Variants in AGAP4 observed in about 807,000 individuals in gnomAD.
AGAP4 encodes the protein ArfGAP with GTPase domain, ankyrin repeat and PH domain 4.
Under a neutral mutation model 60.7 loss-of-function variants are expected in AGAP4, and 13 were observed. The ratio of observed to expected loss-of-function variants is 0.21; its 90% confidence interval spans 0.14 to 0.34. The LOEUF is 0.34. Among genes scored for constraint, AGAP4 ranks in the 10% least tolerant of loss-of-function variants. The pLI is 1.00. For synonymous variants in AGAP4, 70 were observed against 339.0 expected (o/e 0.21, Z 8.72); for missense variants, 169 against 884.0 (o/e 0.19, Z 10.26).
chr10:45,846,576 G>GA (rs2059003177), intron 2 of AGAP4, 111 bp downstream of exon 2: 4 of 578,762 alleles, frequency 6.9e-6, no homozygotes, highest in Non-Finnish European at 1.2e-5. Context: ...GATGGGTACT[G>GA]AAAAGTTGGG....
chr10:45,850,237 A>AT (rs1245325744), upstream of AGAP4, among the ~76,000 whole-genome samples: 1 of 148,014 alleles, frequency 6.8e-6, no homozygotes, highest in Non-Finnish European at 1.5e-5. Flanking sequence ...ACAGAACAAC[A>AT]TTTTTTTGAT....
rs1336418832 is a variant in AGAP4, at chr10:45,853,679, G to A, written n.197C>T. On this transcript the variant is annotated non_coding_transcript_exon_variant, in exon 1 of 10. Coordinates refer to the AGAP4 transcript ENST00000430779. ...CCTCCAGAGGAGTCCAGTGGGTCCAGAAGCCCTTTGGATGTTGGTCAGAAG... is the reference window on the plus strand; with the variant it reads ...CCTCCAGAGGAGTCCAGTGGGTCCAAAAGCCCTTTGGATGTTGGTCAGAAG... The A allele has an allele frequency of 1.2e-3, 1,573 of 1,287,746 alleles. 26 individuals are homozygous for A. In the African/African-American group the frequency reaches 0.02, roughly 16 times the overall value. 79.8% of individuals were successfully genotyped at this position (1,287,746 alleles called of 1,614,324 possible).
rs1398296974 is a variant in AGAP4 at position 45,841,808 on chromosome 10, A to T, written c.362-121T>A. On this transcript the variant is annotated intron_variant, in intron 3 of 7. Coordinates refer to ENST00000616763, the MANE Select transcript of AGAP4 (RefSeq NM_001276343.3). ...GAGACAAAATTCCATTAAAAAAAAAATTTTCAATAACATATAATTTAAATT... is the reference window on the plus strand; with the variant it reads ...GAGACAAAATTCCATTAAAAAAAAATTTTTCAATAACATATAATTTAAATT... 2.8e-4 allele frequency: 329 copies of T among 1,178,158 alleles called. 2 individuals carry two copies. Among genetic ancestry groups the T allele is most frequent in the African/African-American group, 2.1e-3 (129 of 62,698 alleles). The allele number at this position is 1,178,158 out of a possible 1,614,324, so 73.0% of individuals were successfully genotyped here. A position where few individuals can be genotyped will look rare whatever the true frequency, so the allele number is the denominator to read the frequency against.
chr10:45,839,656 A>G (rs1554898436), intron 4 of AGAP4, among the ~76,000 whole-genome samples: 2 of 114,342 alleles, frequency 1.7e-5, no homozygotes, highest in Admixed American at 8.1e-5. Context: ...AGGTCTCCCA[A>G]ATGAAAAGCT....
At chr10:45,847,984 T>C (rs1326402557), upstream of AGAP4, 77 of 1,018,254 alleles carry the variant, frequency 7.6e-5, no homozygotes, top group African/African-American at 2.4e-4. Flanking sequence ...GTTCATTACT[T>C]GAAGCCATCT....
upstream of AGAP4, among the ~76,000 whole-genome samples, chr10:45,849,457 A>AGATGAT (rs1219114195): frequency 0.03 from 4,264 of 144,076 alleles, 44 homozygotes; most frequent in African/African-American, 0.052. Flanking sequence ...ATGACATTGT[A>AGATGAT]GATGATGATG....
intron 4 of AGAP4, among the ~76,000 whole-genome samples, chr10:45,837,639 A>G (rs1396064753): frequency 6.6e-6 from 1 of 151,876 alleles, no homozygotes. Flanking sequence ...TATTCAACAA[A>G]TGGTGCTGGG....
In AGAP4 at chr10:45,845,400, G is replaced by A. The variant is rs1168691926; in HGVS notation, c.293-1006C>T. Reference sequence around the variant, plus strand: ...AATGAAAACAATAAGCCTACTGGATGTAATATGTTTATGATGCAATGTTTT... The same window carrying A: ...AATGAAAACAATAAGCCTACTGGATATAATATGTTTATGATGCAATGTTTT... On this transcript the variant is annotated intron_variant, in intron 2 of 7. Transcript: ENST00000616763. Among the ~76,000 whole-genome samples the A allele has an allele frequency of 4.0e-5, 4 of 98,942 alleles. 2 individuals are homozygous for A. The South Asian group carries it at 2.0e-3, about 50-fold the overall frequency. 64.9% of individuals were successfully genotyped at this position (98,942 alleles called of 152,430 possible).
At chr10:45,846,830 T>G in intron 1 of AGAP4, 75 bp from the exon 2 acceptor site, 1 of 626,662 alleles carries the variant, frequency 1.6e-6, no homozygotes, top group Non-Finnish European at 2.8e-6. Context: ...ATTCAACTGC[T>G]GCTTATTCGA....
upstream of AGAP4, among the ~76,000 whole-genome samples, chr10:45,848,129 G>A (rs2059030374): frequency 6.8e-6 from 1 of 147,692 alleles, no homozygotes; most frequent in African/African-American, 2.5e-5. Flanking sequence ...CTCCTCTCCT[G>A]TCTTCCAACG....
At chr10:45,851,378 A>C (rs2059082041), upstream of AGAP4, among the ~76,000 whole-genome samples, 1 of 152,054 alleles carries the variant, frequency 6.6e-6, no homozygotes, top group African/African-American at 2.4e-5. Flanking sequence ...CACCTAGCAC[A>C]GTGCCTGTTC....
At chr10:45,833,037 C>G (rs2058758184) in intron 5 of AGAP4, among the ~76,000 whole-genome samples, 8 of 146,542 alleles carry the variant, frequency 5.5e-5, no homozygotes, top group East Asian at 2.1e-4. Flanking sequence ...GCTAACATAT[C>G]AAAATCTTTG....
At chr10:45,834,777 T>TTA (rs2058789890) in intron 4 of AGAP4, among the ~76,000 whole-genome samples, 5 of 140,228 alleles carry the variant, frequency 3.6e-5, no homozygotes, top group Admixed American at 7.0e-5. Flanking sequence ...TTAATTAATT[T>TTA]ATTTATTTAT....
At chr10:45,853,082 C>G (rs2059103858) in intron 1 of AGAP4, among the ~76,000 whole-genome samples, 1 of 151,706 alleles carries the variant, frequency 6.6e-6, no homozygotes, top group Admixed American at 6.6e-5. Flanking sequence ...TTTTCTTAAG[C>G]TAAGAGAACA....
At chr10:45,852,787 A>G (rs1387352360) in intron 1 of AGAP4, among the ~76,000 whole-genome samples, 2 of 152,164 alleles carry the variant, frequency 1.3e-5, no homozygotes, top group African/African-American at 4.8e-5. Context: ...CCTAGAGGCT[A>G]CAATCTGCAT....
chr10:45,839,947 A>T (rs1302036202), intron 4 of AGAP4, among the ~76,000 whole-genome samples: 1 of 150,300 alleles, frequency 6.7e-6, no homozygotes, highest in Non-Finnish European at 1.5e-5. Flanking sequence ...TGAAAAAAAT[A>T]CAAGGGGAAA....
chr10:45,853,053 C>A (rs1315226542), intron 1 of AGAP4, among the ~76,000 whole-genome samples: 6 of 151,824 alleles, frequency 4.0e-5, no homozygotes, highest in African/African-American at 1.5e-4. Flanking sequence ...GAAAAACTTA[C>A]AAAAAGTCTG....
At chr10:45,838,857 T>C (rs1156926859) in intron 4 of AGAP4, among the ~76,000 whole-genome samples, 1 of 150,886 alleles carries the variant, frequency 6.6e-6, no homozygotes, top group African/African-American at 2.4e-5. Context: ...AACAGCTCCA[T>C]CTATGTTGTG....
chr10:45,827,009 T>G lies in AGAP4; in HGVS notation c.967A>C (p.Met323Leu). The change falls in exon 8 of 8, where the codon ATG (methionine) becomes CTG (leucine). Residue 323 changes from methionine (M) to leucine (L), a missense_variant. Physicochemically the swap from Met to Leu is conservative, Grantham distance 15. Coordinates refer to ENST00000616763, the MANE Select transcript of AGAP4 (RefSeq NM_001276343.3). ...ATCTCTTTTTTATGAATATTCTTCA[T>G]ATAATCACCTAAGCTTGAATAATAG... ...LTYYSSLGDY[M>L]KNIHKKEIDL... 7.7e-7 allele frequency: 1 copy of G among 1,303,836 alleles called. No homozygotes were observed. The highest frequency in any genetic ancestry group is 1.1e-6 in the Non-Finnish European group (1 of 943,320). The allele number at this position is 1,303,836 out of a possible 1,614,324, so 80.8% of individuals were successfully genotyped here. A position where few individuals can be genotyped will look rare whatever the true frequency, so the allele number is the denominator to read the frequency against.
Sources: gnomAD v4.1 joint callset for allele counts (sites outside exome capture counted in the v4.1 genomes callset) on GRCh38, gnomAD v4.1.1 for gene constraint, MANE v1.5 for transcripts, NCBI Gene and HGNC (gene_info 2026-07-23, HGNC 2026-07-21) for gene names.